SPAG16: variants seen among roughly 807,000 people sequenced by gnomAD.
SPAG16 encodes sperm-associated antigen 16 protein.
Under a neutral mutation model 80.4 loss-of-function variants are expected in SPAG16, and 86 were observed. The ratio of observed to expected loss-of-function variants is 1.07; its 90% CI spans 0.90 to 1.28. SPAG16 has a LOEUF of 1.28. SPAG16 is among the 50% of genes most tolerant of loss of function. SPAG16 has a pLI of 0.00. For synonymous variants in SPAG16, 294 were observed against 265.9 expected (o/e 1.11, Z -1.03); for missense variants, 870 against 765.3 (o/e 1.14, Z -1.61).
chr2:214,123,339 T>A (rs1259830273), intron 14 of SPAG16, among the ~76,000 whole-genome samples: 2 of 151,922 alleles, frequency 1.3e-5, no homozygotes, highest in Non-Finnish European at 2.9e-5. Flanking sequence ...TGTTGATGGG[T>A]CTATGAAAAT....
chr2:213,470,540 C>T (rs2073021125), intron 9 of SPAG16, among the ~76,000 whole-genome samples: 2 of 152,282 alleles, frequency 1.3e-5, no homozygotes, highest in South Asian at 4.1e-4. Context: ...GGTTGATCAC[C>T]CTGAGGAATG....
chr2:214,146,073 A>G (rs980708497), intron 14 of SPAG16, among the ~76,000 whole-genome samples: 1 of 152,194 alleles, frequency 6.6e-6, no homozygotes, highest in Non-Finnish European at 1.5e-5. Context: ...CTTGACTTTC[A>G]TTAAGATTGT....
intron 9 of SPAG16, among the ~76,000 whole-genome samples, chr2:213,465,722 A>G (rs767245950): frequency 6.5e-4 from 99 of 152,168 alleles, no homozygotes; most frequent in Non-Finnish European, 8.4e-4. Context: ...GGCACCAGCT[A>G]AGCTACCGCT....
At chr2:213,978,059 T>C (rs1160179949) in intron 12 of SPAG16, among the ~76,000 whole-genome samples, 1 of 151,778 alleles carries the variant, frequency 6.6e-6, no homozygotes, top group Non-Finnish European at 1.5e-5. Flanking sequence ...CACAGAGTAC[T>C]ATGAGACACC....
intron 12 of SPAG16, among the ~76,000 whole-genome samples, chr2:213,978,428 T>G (rs2045530357): frequency 6.6e-6 from 1 of 152,116 alleles, no homozygotes; most frequent in African/African-American, 2.4e-5. Flanking sequence ...ACGTCAAAAC[T>G]TTTGCTAACA....
chr2:213,337,237 A>G (rs555131823), intron 5 of SPAG16, among the ~76,000 whole-genome samples: 7 of 152,356 alleles, frequency 4.6e-5, no homozygotes, highest in African/African-American at 1.4e-4. Context: ...TCAAAGATCA[A>G]AGGTAGATAA....
At chr2:213,311,476 A>G (rs544647382) in intron 4 of SPAG16, among the ~76,000 whole-genome samples, 3 of 151,652 alleles carry the variant, frequency 2.0e-5, no homozygotes, top group South Asian at 2.1e-4. Context: ...TTCGGTGACT[A>G]TTGTCATATT....
At chr2:213,812,867 T>C (rs956529690) in intron 10 of SPAG16, among the ~76,000 whole-genome samples, 9 of 150,880 alleles carry the variant, frequency 6.0e-5, no homozygotes, top group Non-Finnish European at 1.3e-4. Flanking sequence ...TATGTTATCT[T>C]TTTTTTTTGA....
chr2:214,121,256 A>C (rs2054206671), intron 14 of SPAG16, among the ~76,000 whole-genome samples: 1 of 151,884 alleles, frequency 6.6e-6, no homozygotes, highest in Admixed American at 6.6e-5. Context: ...TATAAGCACA[A>C]GGCTTTCATT....
intron 14 of SPAG16, among the ~76,000 whole-genome samples, chr2:214,130,028 G>A (rs1002008005): frequency 2.6e-5 from 4 of 152,126 alleles, no homozygotes; most frequent in Non-Finnish European, 4.4e-5. Flanking sequence ...CAATACAAGT[G>A]AGCGTGCCTT....
At chr2:214,155,501 A>C (rs2056173167) in intron 15 of SPAG16, among the ~76,000 whole-genome samples, 1 of 152,046 alleles carries the variant, frequency 6.6e-6, no homozygotes, top group Non-Finnish European at 1.5e-5. Flanking sequence ...AAAGTCTAAA[A>C]GATTTACTTT....
chr2:214,157,669 T>C (rs553735660), intron 15 of SPAG16, among the ~76,000 whole-genome samples: 1 of 152,138 alleles, frequency 6.6e-6, no homozygotes, highest in African/African-American at 2.4e-5. Context: ...TATTAAATAT[T>C]TAGACTATCC....
chr2:213,594,376 C>G (rs2060814028), intron 10 of SPAG16, among the ~76,000 whole-genome samples: 1 of 152,148 alleles, frequency 6.6e-6, no homozygotes, highest in Non-Finnish European at 1.5e-5. Flanking sequence ...AGATAAGGTC[C>G]TCTGTGACGT....
rs566815223 is a variant in SPAG16, at chr2:214,383,083, T to C, written c.1721-27057T>C. Among the ~76,000 whole-genome samples the C allele has an allele frequency of 2.6e-5, 4 of 152,240 alleles. No individual in the cohort carries two copies. In the East Asian group the frequency reaches 7.7e-4, roughly 29 times the overall value. Reference sequence around the variant, plus strand: ...AACATACTATGCTTGTCCCTGAGAATAGAGGTGAAAAAACACATTTCAACC... The same window carrying C: ...AACATACTATGCTTGTCCCTGAGAACAGAGGTGAAAAAACACATTTCAACC... On this transcript the variant is annotated intron_variant, in intron 15 of 15. Transcript: ENST00000331683.
rs139807525 is a variant in SPAG16 at position 214,023,928 on chromosome 2, A to G, written c.1527+9851A>G. On this transcript the variant is annotated intron_variant, in intron 13 of 15. Coordinates refer to ENST00000331683, the MANE Select transcript of SPAG16 (RefSeq NM_024532.5). ...TGAATTAATTATAATGACTATGTCC[A>G]TTGAAAAATAAATATAGATTAGCTT... 9.1e-3 allele frequency among the ~76,000 whole-genome samples: 1,384 copies of G among 151,830 alleles called. 20 individuals carry two copies. Among genetic ancestry groups the G allele is most frequent in the African/African-American group, 0.032 (1,326 of 41,524 alleles).
chr2:213,942,921 G>A (rs1017370244), intron 12 of SPAG16, among the ~76,000 whole-genome samples: 1 of 152,104 alleles, frequency 6.6e-6, no homozygotes, highest in Non-Finnish European at 1.5e-5. Context: ...AATTAATTAG[G>A]TCATGAAGGT....
At chr2:214,012,002 G>A (rs902916533) in intron 12 of SPAG16, among the ~76,000 whole-genome samples, 3 of 151,658 alleles carry the variant, frequency 2.0e-5, no homozygotes, top group Admixed American at 6.6e-5. Flanking sequence ...CAGGATCACC[G>A]AGTGCATCAG....
intron 10 of SPAG16, among the ~76,000 whole-genome samples, chr2:213,823,111 A>T (rs1473370134): frequency 6.6e-6 from 1 of 152,162 alleles, no homozygotes; most frequent in Non-Finnish European, 1.5e-5. Flanking sequence ...GCTGGGTCAA[A>T]TGGTATTTCT....
chr2:214,368,425 T>C (rs1699616650), intron 15 of SPAG16, among the ~76,000 whole-genome samples: 2 of 152,124 alleles, frequency 1.3e-5, no homozygotes, highest in Admixed American at 1.3e-4. Context: ...TAAGGCCCAA[T>C]AGGTCATTTT....
Sources: gnomAD v4.1 joint callset for allele counts (sites outside exome capture counted in the v4.1 genomes callset) on GRCh38, gnomAD v4.1.1 for gene constraint, MANE v1.5 for transcripts, NCBI Gene and HGNC (gene_info 2026-07-23, HGNC 2026-07-21) for gene names.